The following PHACTR2 variants were observed in gnomAD, a reference collection of about 807,000 sequenced individuals.
PHACTR2 encodes phosphatase and actin regulator 2.
PHACTR2 carries 30 observed loss-of-function variants against 76.0 expected under a neutral mutation model. The observed-to-expected ratio is 0.39, with a 90% CI of 0.30 to 0.54. The LOEUF (loss-of-function observed/expected upper bound fraction) is 0.54, where lower values mean the gene tolerates loss of function less well. Among genes scored for constraint, PHACTR2 ranks in the 20% least tolerant of loss-of-function variants. The probability of loss-of-function intolerance (pLI) is 0.61; values close to 1 mark genes in which losing one functional copy is unlikely to be tolerated. For missense variants in PHACTR2, 696 were observed against 781.1 expected, an observed-to-expected ratio of 0.89 and a Z score of 1.30; for synonymous variants, 292 against 292.5, an observed-to-expected ratio of 1.00 and a Z score of 0.02.
At position 143,578,127 on chromosome 6, in the gene PHACTR2, AG is replaced by A. The variant is rs1419825910; in HGVS notation, c.217+40922del. Among the ~76,000 whole-genome samples, 1 of 152,178 alleles carries A rather than the reference AG, an allele frequency of 6.6e-6. No individual in the cohort carries two copies. ...GCCATAGTCCAAATGCAAAGAGGGA[AG>A]GAGCTTCATTTACTGTTGTTCCTTC... On this transcript the variant is annotated intron_variant, in intron 1 of 11. Transcript: ENST00000367584. This position sits in a 1 kb window ranked among gnomAD's most constrained non-coding sequence, Gnocchi z 4.5.
chr6:143,579,541 C>T (rs1035574160), intron 1 of PHACTR2, among the ~76,000 whole-genome samples: 4 of 151,822 alleles, frequency 2.6e-5, no homozygotes, highest in African/African-American at 7.3e-5. Context: ...AGGAAAGAGG[C>T]GAGCGGACAG....
At chr6:143,587,866 A>G (rs1775645529) in intron 1 of PHACTR2, among the ~76,000 whole-genome samples, 1 of 151,960 alleles carries the variant, frequency 6.6e-6, no homozygotes, top group Middle Eastern at 3.2e-3. Flanking sequence ...ATACAAAATT[A>G]GCCAGGCGTG....
intron 1 of PHACTR2, among the ~76,000 whole-genome samples, chr6:143,655,111 C>A (rs1415298817): frequency 7.0e-6 from 1 of 143,532 alleles, no homozygotes; most frequent in Non-Finnish European, 1.5e-5. Flanking sequence ...GAGCCGAGAT[C>A]GTGCCACTGC....
rs1274830297 is a variant in PHACTR2, at chr6:143,750,265, A to G, written c.295+1200A>G. On this transcript the variant is annotated intron_variant, in intron 3 of 12. Transcript: ENST00000440869. This position sits in a 1 kb window ranked among gnomAD's most constrained non-coding sequence, Gnocchi z 4.6. ...TTACTCTACTTTATGAATGAATTTTATGTTTTCCCTGTTTTTCTATTATTT... is the reference window on the plus strand; with the variant it reads ...TTACTCTACTTTATGAATGAATTTTGTGTTTTCCCTGTTTTTCTATTATTT... Among the ~76,000 whole-genome samples, 1 of 152,154 alleles carries G rather than the reference A, an allele frequency of 6.6e-6. No individual in the cohort carries two copies. Among genetic ancestry groups the G allele is most frequent in the Non-Finnish European group, 1.5e-5 (1 of 67,998 alleles).
chr6:143,545,938 C>T (rs115794979), intron 1 of PHACTR2, among the ~76,000 whole-genome samples: 1,962 of 152,264 alleles, frequency 0.013, 44 homozygotes, highest in African/African-American at 0.043. Context: ...AGTGTTCTGC[C>T]GTGTTTTCAG....
chr6:143,686,712 C>G (rs1438894226), intron 1 of PHACTR2, among the ~76,000 whole-genome samples: 4 of 152,016 alleles, frequency 2.6e-5, no homozygotes, highest in Non-Finnish European at 4.4e-5. Flanking sequence ...GTCTCGAACT[C>G]CTGACCTCGT....
intron 1 of PHACTR2, among the ~76,000 whole-genome samples, chr6:143,584,964 C>T (rs146230676): frequency 1.7e-3 from 241 of 139,966 alleles, no homozygotes; most frequent in African/African-American, 6.3e-3. Flanking sequence ...AAGACCCTGG[C>T]TGGTCCTACC....
Position 143,641,454 on chromosome 6 carries a change from A to G in PHACTR2, c.13+33132A>G, listed in dbSNP as rs1050177977. Among the ~76,000 whole-genome samples, 12 of 152,130 alleles carry G rather than the reference A, an allele frequency of 7.9e-5. No individual in the cohort carries two copies. Among genetic ancestry groups the G allele is most frequent in the Non-Finnish European group, 1.5e-4 (10 of 68,026 alleles). ...TGCCAATTCCTGACTTCTTACCTTC[A>G]GATCTGTGAAATAATACATTTCTGT... On this transcript the variant is annotated intron_variant, in intron 1 of 11. Transcript: ENST00000305766. The surrounding 1 kb of genome is among the most constrained non-coding windows in gnomAD (Gnocchi z 5.8).
At position 143,827,155 on chromosome 6, in the gene PHACTR2, A is replaced by ATAT. The variant is rs1776549800; in HGVS notation, c.*3466_*3467insTAT. On this transcript the variant is annotated 3_prime_UTR_variant, in exon 13 of 13. Transcript: ENST00000440869. ...GGGCTGCGTTGGCATTAAAAAAGAA[A>ATAT]ATATATATATATATATATATATATA... is the stretch of plus-strand genomic sequence containing the variant. The ATAT allele has an allele frequency of 2.6e-5, 2 of 77,232 alleles. No individual in the cohort carries two copies. The highest frequency in any genetic ancestry group is 4.9e-5 in the Non-Finnish European group (2 of 41,048). The allele number at this position is 77,232 out of a possible 1,614,324, so 4.8% of individuals were successfully genotyped here.
rs1184372312 is a variant in PHACTR2, at chr6:143,641,833, C to T, written c.13+33511C>T. 6.6e-6 allele frequency among the ~76,000 whole-genome samples: 1 copy of T among 152,106 alleles called. No homozygotes were observed. The highest frequency in any genetic ancestry group is 1.5e-5 in the Non-Finnish European group (1 of 68,022). ...ATTTCTGTTGTTTTAAGTCACCAAG[C>T]TTGTGGTAATTTGTCATGACAGCCA... is the stretch of plus-strand genomic sequence containing the variant. On this transcript the variant is annotated intron_variant, in intron 1 of 11. Coordinates refer to the PHACTR2 transcript ENST00000305766. The surrounding 1 kb of genome is among the most constrained non-coding windows in gnomAD (Gnocchi z 5.8).
intron 1 of PHACTR2, among the ~76,000 whole-genome samples, chr6:143,693,324 A>G (rs1439197230): frequency 6.6e-6 from 1 of 152,030 alleles, no homozygotes; most frequent in Non-Finnish European, 1.5e-5. Context: ...TGCAACCTCC[A>G]CTTCCCAGGT....
In PHACTR2 at chr6:143,774,501, C is replaced by T. The variant is rs976268389; in HGVS notation, c.1589+286C>T. On this transcript the variant is annotated intron_variant, in intron 8 of 12. Transcript: ENST00000440869. The surrounding 1 kb of genome is among the most constrained non-coding windows in gnomAD (Gnocchi z 5.4). ...TTTGCTGGCCAGACAGTCTCTGTTG[C>T]AGCTACTCAACTGCGCTGCTGTAGC... 2.0e-5 allele frequency among the ~76,000 whole-genome samples: 3 copies of T among 152,184 alleles called. No homozygotes were observed. Among genetic ancestry groups the T allele is most frequent in the African/African-American group, 7.2e-5 (3 of 41,448 alleles).
upstream of PHACTR2, among the ~76,000 whole-genome samples, chr6:143,673,831 G>A (rs1256566177): frequency 1.3e-5 from 2 of 151,942 alleles, no homozygotes; most frequent in African/African-American, 4.8e-5. Flanking sequence ...CTCACGCAGG[G>A]TGAGGCAGAG....
intron 1 of PHACTR2, among the ~76,000 whole-genome samples, chr6:143,582,876 C>T (rs1000582665): frequency 6.6e-5 from 10 of 151,998 alleles, no homozygotes; most frequent in Non-Finnish European, 1.0e-4. Context: ...GATGGCTCTG[C>T]CAAGATTTTA....
In PHACTR2 at chr6:143,742,120, A is replaced by G. The variant is rs1169182010; in HGVS notation, c.215-6865A>G. Among the ~76,000 whole-genome samples the G allele has an allele frequency of 1.3e-5, 2 of 152,172 alleles. No homozygotes were observed. The highest frequency in any genetic ancestry group is 6.5e-5 in the Admixed American group (1 of 15,296). The stretch of plus-strand genomic sequence containing the variant: ...AACTCCATCTCAAAAAAAAAAAACA[A>G]CAACATTTATTTGATACTTTTTTGA... On this transcript the variant is annotated intron_variant, in intron 2 of 12. Transcript: ENST00000440869. This position sits in a 1 kb window ranked among gnomAD's most constrained non-coding sequence, Gnocchi z 4.5.
In PHACTR2 at chr6:143,821,642, T is replaced by C. The variant is rs1776419889; in HGVS notation, c.1923-2032T>C. ...TTCCCTGAGCAGTGGAGAAAAGAGT[T>C]TGGAGAACTCACAGAGTGAGACTGC... is the stretch of plus-strand genomic sequence containing the variant. On this transcript the variant is annotated intron_variant, in intron 12 of 12. Coordinates refer to ENST00000440869, the MANE Select transcript of PHACTR2 (RefSeq NM_001100164.2). This position sits in a 1 kb window ranked among gnomAD's most constrained non-coding sequence, Gnocchi z 5.2. Among the ~76,000 whole-genome samples, 1 of 152,058 alleles carries C rather than the reference T, an allele frequency of 6.6e-6. No individual in the cohort carries two copies. Among genetic ancestry groups the C allele is most frequent in the African/African-American group, 2.4e-5 (1 of 41,392 alleles).
intron 1 of PHACTR2, among the ~76,000 whole-genome samples, chr6:143,587,761 C>T (rs1775644795): frequency 6.6e-6 from 1 of 152,112 alleles, no homozygotes; most frequent in African/African-American, 2.4e-5. Context: ...TACCTGTAAT[C>T]CCAGCACTTT....
intron 2 of PHACTR2, among the ~76,000 whole-genome samples, chr6:143,735,996 GTATT>G (rs61424274): frequency 0.047 from 7,077 of 152,152 alleles, 538 homozygotes; most frequent in African/African-American, 0.16. Context: ...AACTCATTGA[GTATT>G]TACTATGTGT....
rs977382083 is a variant in PHACTR2, at chr6:143,679,167, T to G, written c.46+958T>G. Among the ~76,000 whole-genome samples, 1 of 152,186 alleles carries G rather than the reference T, an allele frequency of 6.6e-6. No individual in the cohort carries two copies. The highest frequency in any genetic ancestry group is 6.5e-5 in the Admixed American group (1 of 15,280). On this transcript the variant is annotated intron_variant, in intron 1 of 12. Coordinates refer to ENST00000440869, the MANE Select transcript of PHACTR2 (RefSeq NM_001100164.2). The surrounding 1 kb of genome is among the most constrained non-coding windows in gnomAD (Gnocchi z 4.6). ...GGGTACAGAGGAAGGTTTTTTAATC[T>G]GCCTCAGGATGTCTAGCTAGATAGC... is the stretch of plus-strand genomic sequence containing the variant.
Sources: allele counts gnomAD v4.1 joint callset (sites outside exome capture counted in the v4.1 genomes callset), GRCh38; gene constraint gnomAD v4.1.1; non-coding constraint Gnocchi (gnomAD v3.1); transcripts MANE v1.5; gene names NCBI Gene and HGNC (gene_info 2026-07-23, HGNC 2026-07-21).